Variants in LUZP2 observed in about 807,000 individuals in gnomAD.
LUZP2 encodes leucine zipper protein 2.
A neutral mutation model predicts 51.6 loss-of-function variants in LUZP2; 52 were observed. The ratio of observed to expected loss-of-function variants is 1.01; its 90% CI spans 0.81 to 1.27. LUZP2 has a LOEUF of 1.27. LUZP2 is among the 50% of genes most tolerant of loss of function. The pLI is 0.00. For missense variants in LUZP2, 436 were observed against 395.4 expected, an observed-to-expected ratio of 1.10 and a Z score of -0.87; for synonymous variants, 154 against 137.3, an observed-to-expected ratio of 1.12 and a Z score of -0.85.
intron 6 of LUZP2, among the ~76,000 whole-genome samples, chr11:24,911,765 A>G (rs1853644170): frequency 6.6e-6 from 1 of 152,170 alleles, no homozygotes; most frequent in Admixed American, 6.5e-5. Flanking sequence ...TATTATTTTG[A>G]GTCACTTGGG....
intron 1 of LUZP2, among the ~76,000 whole-genome samples, chr11:24,548,223 T>C (rs1851618829): frequency 6.6e-6 from 1 of 152,086 alleles, no homozygotes; most frequent in Non-Finnish European, 1.5e-5. Flanking sequence ...GGATTATAAA[T>C]CATTCTACCA....
chr11:25,044,894 A>T (rs569881013), intron 9 of LUZP2, among the ~76,000 whole-genome samples: 16 of 152,080 alleles, frequency 1.1e-4, no homozygotes, highest in African/African-American at 3.9e-4. Context: ...AAATGATAAG[A>T]TCATGTCCTT....
chr11:24,721,191 G>T (rs1484529811), intron 1 of LUZP2, among the ~76,000 whole-genome samples: 4 of 152,210 alleles, frequency 2.6e-5, no homozygotes, highest in South Asian at 2.1e-4. Flanking sequence ...TATATTTGCA[G>T]CATAGTAAAT....
chr11:24,602,703 A>G (rs975701089), intron 1 of LUZP2, among the ~76,000 whole-genome samples: 1 of 151,740 alleles, frequency 6.6e-6, no homozygotes, highest in African/African-American at 2.4e-5. Context: ...TATTATTATT[A>G]TATTATTATT....
chr11:24,579,486 T>C lies in LUZP2; in HGVS notation c.62+82181T>C, dbSNP rs73431186. ...AGCATAGAAGCCCACCTCTGCACAA[T>C]TGCAAAGGACAAAATTGTTGTAACT... On this transcript the variant is annotated intron_variant, in intron 1 of 11. Coordinates refer to ENST00000336930, the MANE Select transcript of LUZP2 (RefSeq NM_001009909.4). Among the ~76,000 whole-genome samples the C allele has an allele frequency of 2.5e-3, 387 of 152,240 alleles. 1 individual carries two copies. Among genetic ancestry groups the C allele is most frequent in the African/African-American group, 8.9e-3 (371 of 41,578 alleles).
At chr11:24,615,908 T>C (rs1233442782) in intron 1 of LUZP2, among the ~76,000 whole-genome samples, 2 of 151,662 alleles carry the variant, frequency 1.3e-5, no homozygotes, top group African/African-American at 2.4e-5. Flanking sequence ...ATTTCCCTGA[T>C]GGATAATGAT....
intron 3 of LUZP2, among the ~76,000 whole-genome samples, chr11:24,733,875 A>G (rs962966056): frequency 6.6e-6 from 1 of 151,798 alleles, no homozygotes; most frequent in Non-Finnish European, 1.5e-5. Context: ...ATTTCTGCAC[A>G]ATACATGTGC....
chr11:24,540,110 T>C (rs1215309732), intron 1 of LUZP2, among the ~76,000 whole-genome samples: 3 of 152,088 alleles, frequency 2.0e-5, no homozygotes, highest in Admixed American at 2.0e-4. Context: ...AAACTTGCAT[T>C]GTGGGGAAAA....
At chr11:24,908,260 A>G (rs551683627) in intron 6 of LUZP2, among the ~76,000 whole-genome samples, 1 of 152,184 alleles carries the variant, frequency 6.6e-6, no homozygotes, top group South Asian at 2.1e-4. Flanking sequence ...TCACAAGGGA[A>G]GCTACTATAA....
chr11:24,920,377 A>G (rs1320699566), intron 7 of LUZP2, among the ~76,000 whole-genome samples: 2 of 152,016 alleles, frequency 1.3e-5, no homozygotes, highest in Non-Finnish European at 2.9e-5. Flanking sequence ...GTTAGTTTCT[A>G]TATGCATACA....
At chr11:24,524,909 A>T (rs1357001744) in intron 1 of LUZP2, among the ~76,000 whole-genome samples, 1 of 151,702 alleles carries the variant, frequency 6.6e-6, no homozygotes, top group African/African-American at 2.4e-5. Context: ...AGTGGGACTT[A>T]GTCAACCCCT....
At chr11:25,055,639 T>C (rs548220265) in intron 10 of LUZP2, among the ~76,000 whole-genome samples, 1 of 152,290 alleles carries the variant, frequency 6.6e-6, no homozygotes, top group East Asian at 1.9e-4. Flanking sequence ...GACACATCTC[T>C]TATCTAATTT....
At chr11:25,001,487 G>T (rs541655357) in intron 9 of LUZP2, among the ~76,000 whole-genome samples, 140 of 152,238 alleles carry the variant, frequency 9.2e-4, no homozygotes, top group Non-Finnish European at 1.4e-3. Flanking sequence ...AAACCTGCTG[G>T]GTTAAGGATT....
chr11:24,768,248 C>G (rs1236171831), intron 5 of LUZP2, among the ~76,000 whole-genome samples: 1 of 152,130 alleles, frequency 6.6e-6, no homozygotes, highest in Non-Finnish European at 1.5e-5. Flanking sequence ...ATTCTCCTGC[C>G]TCAGCCTCCC....
chr11:25,081,029 A>ATTTTTTTT lies in LUZP2; in HGVS notation c.*2385_*2392dup, dbSNP rs553696425. 116 of 100,698 alleles carry ATTTTTTTT rather than the reference A, an allele frequency of 1.2e-3. 1 individual carries two copies. The highest frequency in any genetic ancestry group is 2.8e-3 in the East Asian group (8 of 2,828). The allele number at this position is 100,698 out of a possible 1,614,324, so 6.2% of individuals were successfully genotyped here. A position where few individuals can be genotyped will look rare whatever the true frequency, so the allele number is the denominator to read the frequency against. ...ATCAAGTGGGCTTTGGATCCATATG[A>ATTTTTTTT]TTTTTTTTTTTTTTTTTTTTTGAGA... On this transcript the variant is annotated 3_prime_UTR_variant, in exon 12 of 12. Transcript: ENST00000336930.
At chr11:24,684,328 A>T (rs944769140) in intron 1 of LUZP2, among the ~76,000 whole-genome samples, 1 of 152,142 alleles carries the variant, frequency 6.6e-6, no homozygotes, top group Non-Finnish European at 1.5e-5. Flanking sequence ...TTTCAATCCT[A>T]TTTCATCTGA....
chr11:24,775,544 G>A (rs1848891743), intron 5 of LUZP2, among the ~76,000 whole-genome samples: 1 of 152,164 alleles, frequency 6.6e-6, no homozygotes. Flanking sequence ...TTTTTACTTA[G>A]TATTCCAGAG....
At chr11:24,734,756 A>G (rs1377012235) in intron 3 of LUZP2, among the ~76,000 whole-genome samples, 1 of 152,002 alleles carries the variant, frequency 6.6e-6, no homozygotes, top group Non-Finnish European at 1.5e-5. Context: ...AAAAGAGAAA[A>G]AATATCACCT....
chr11:25,044,716 A>AC (rs57676443), intron 9 of LUZP2, among the ~76,000 whole-genome samples: 72,077 of 151,266 alleles, frequency 0.48, 17,455 homozygotes, highest in Non-Finnish European at 0.51. Context: ...CTGGGTATAT[A>AC]CCAAAGGATT....
Sources: gnomAD v4.1 joint callset for allele counts (sites outside exome capture counted in the v4.1 genomes callset) on GRCh38, gnomAD v4.1.1 for gene constraint, MANE v1.5 for transcripts, NCBI Gene and HGNC (gene_info 2026-07-23, HGNC 2026-07-21) for gene names.